Variants in RPA3 observed in about 807,000 individuals in gnomAD.
RPA3 encodes the protein replication protein A 14 kDa subunit.
RPA3 carries 24 observed loss-of-function variants against 13.7 expected under a neutral mutation model. The ratio of observed to expected loss-of-function variants is 1.75; its 90% CI spans 1.27 to 2.46. The LOEUF (loss-of-function observed/expected upper bound fraction) is 2.46. Ranked by LOEUF, RPA3 falls within the 30% of genes most tolerant of loss-of-function variation. The pLI is 0.00. For missense variants in RPA3, 183 were observed against 151.0 expected (o/e 1.21, Z -1.11); for synonymous variants, 59 against 51.2 (o/e 1.15, Z -0.65).
intron 4 of RPA3, among the ~76,000 whole-genome samples, chr7:7,648,142 CCTT>C (rs1208492031): frequency 1.3e-5 from 2 of 152,168 alleles, no homozygotes; most frequent in African/African-American, 2.4e-5. Context: ...CCAGTGGCCT[CCTT>C]CTTCTTAAAG....
chr7:7,646,865 T>C (rs923945694), intron 4 of RPA3, among the ~76,000 whole-genome samples: 1 of 152,120 alleles, frequency 6.6e-6, no homozygotes, highest in African/African-American at 2.4e-5. Context: ...GTTTGGGGTT[T>C]ATATGGGCAC....
In RPA3 at chr7:7,670,234, C is replaced by T. The variant is rs28916003; in HGVS notation, c.-758+15596G>A. Among the ~76,000 whole-genome samples, 22 of 152,204 alleles carry T rather than the reference C, an allele frequency of 1.4e-4. No homozygotes were observed. The South Asian group carries it at 3.5e-3, about 24-fold the overall frequency. On this transcript the variant is annotated intron_variant, in intron 4 of 7. Transcript: ENST00000223129. ...TTATTAAAACTACTTTTGTGATATC[C>T]GTGTTTGTTCCATTTCTGACTTGTG... is the stretch of plus-strand genomic sequence containing the variant.
intron 4 of RPA3, among the ~76,000 whole-genome samples, chr7:7,671,978 C>T (rs1279515053): frequency 6.6e-6 from 1 of 152,056 alleles, no homozygotes. Context: ...TTCTAGCAAC[C>T]AATAGATTCC....
chr7:7,689,222 G>C (rs1780113956), intron 2 of RPA3: 1 of 152,198 alleles, frequency 6.6e-6, no homozygotes, highest in African/African-American at 2.4e-5. Flanking sequence ...GATCAACTGA[G>C]AGACTCATGG....
At chr7:7,675,407 C>G (rs948567431) in intron 4 of RPA3, among the ~76,000 whole-genome samples, 16 of 152,136 alleles carry the variant, frequency 1.1e-4, no homozygotes, top group African/African-American at 3.6e-4. Flanking sequence ...CCTCCAATTT[C>G]TGGTAGCATG....
At chr7:7,697,115 T>C (rs1780339616) in intron 2 of RPA3, among the ~76,000 whole-genome samples, 3 of 152,180 alleles carry the variant, frequency 2.0e-5, no homozygotes, top group Admixed American at 6.5e-5. Context: ...TTGTTTTGCT[T>C]TTCTTTTTAT....
chr7:7,684,201 A>G (rs545810070), intron 4 of RPA3, among the ~76,000 whole-genome samples: 1 of 151,868 alleles, frequency 6.6e-6, no homozygotes, highest in Non-Finnish European at 1.5e-5. Context: ...TTTAGCACAG[A>G]TGCAATTTTT....
At chr7:7,659,794 T>G (rs916239928) in intron 4 of RPA3, among the ~76,000 whole-genome samples, 2 of 152,052 alleles carry the variant, frequency 1.3e-5, no homozygotes, top group Non-Finnish European at 2.9e-5. Flanking sequence ...TGGGGTGGAG[T>G]GTTCTGTAGA....
Position 7,636,661 on chromosome 7 carries a change from T to A in RPA3, c.*339A>T, listed in dbSNP as rs776628401. On this transcript the variant is annotated 3_prime_UTR_variant, in exon 8 of 8. Coordinates refer to ENST00000223129, the MANE Select transcript of RPA3 (RefSeq NM_002947.5). Reference sequence around the variant, plus strand: ...AAATCTTGACCTTATGGCTATGAAATTTCAAGTTTGTGCTTGAATACATGA... The same window carrying A: ...AAATCTTGACCTTATGGCTATGAAAATTCAAGTTTGTGCTTGAATACATGA... 2 of 199,408 alleles carry A rather than the reference T, an allele frequency of 1.0e-5. No individual in the cohort carries two copies. The highest frequency in any genetic ancestry group is 2.0e-5 in the Non-Finnish European group (2 of 99,632). 12.4% of individuals were successfully genotyped at this position (199,408 alleles called of 1,614,324 possible). A position where few individuals can be genotyped will look rare whatever the true frequency, so the allele number is the denominator to read the frequency against.
chr7:7,668,343 A>G (rs991428065), intron 4 of RPA3, among the ~76,000 whole-genome samples: 1 of 152,168 alleles, frequency 6.6e-6, no homozygotes, highest in African/African-American at 2.4e-5. Flanking sequence ...TTACTGTTTC[A>G]GTTACTTATG....
At chr7:7,649,684 T>TG (rs1386571678) in intron 4 of RPA3, among the ~76,000 whole-genome samples, 5 of 131,990 alleles carry the variant, frequency 3.8e-5, no homozygotes, top group African/African-American at 1.2e-4. Context: ...GTATTCTTGT[T>TG]GGTGGGGGGG....
intron 2 of RPA3, 119 bp downstream of exon 2, chr7:7,715,056 C>G (rs948514959): frequency 6.6e-6 from 1 of 151,834 alleles, no homozygotes; most frequent in Non-Finnish European, 1.5e-5. Context: ...ATCCACAAAT[C>G]TTAGAACTTA....
intron 1 of RPA3, among the ~76,000 whole-genome samples, chr7:7,717,816 A>G (rs1048162861): frequency 3.9e-5 from 6 of 152,196 alleles, no homozygotes; most frequent in Non-Finnish European, 8.8e-5. Context: ...TTTTGTTTTT[A>G]TCTTACCATC....
chr7:7,647,044 T>G (rs1296138009), intron 4 of RPA3, among the ~76,000 whole-genome samples: 1 of 152,052 alleles, frequency 6.6e-6, no homozygotes, highest in Non-Finnish European at 1.5e-5. Context: ...TAGTGTGGAG[T>G]GTTTCTTTTA....
intron 4 of RPA3, chr7:7,676,184 A>C (rs963594950): frequency 3.5e-5 from 14 of 398,504 alleles, no homozygotes; most frequent in Non-Finnish European, 4.9e-5. Flanking sequence ...TCGTGGCTCC[A>C]CGACTTACTC....
chr7:7,697,805 C>G (rs183436704), intron 2 of RPA3, among the ~76,000 whole-genome samples: 8 of 152,092 alleles, frequency 5.3e-5, no homozygotes, highest in Non-Finnish European at 1.0e-4. Flanking sequence ...GGTGCATGTA[C>G]TCTTGGGTAT....
At chr7:7,668,611 C>T (rs1297119751) in intron 4 of RPA3, among the ~76,000 whole-genome samples, 1 of 152,086 alleles carries the variant, frequency 6.6e-6, no homozygotes, top group African/African-American at 2.4e-5. Context: ...GTAATGAAAC[C>T]AGTTTTACCA....
At chr7:7,682,186 A>G (rs28915981) in intron 4 of RPA3, among the ~76,000 whole-genome samples, 5,453 of 152,266 alleles carry the variant, frequency 0.036, 121 homozygotes, top group Non-Finnish European at 0.048. Flanking sequence ...TCTAGTTTCC[A>G]TTAAGCTAAT....
intron 4 of RPA3, among the ~76,000 whole-genome samples, chr7:7,643,571 G>C (rs1785023906): frequency 6.6e-6 from 1 of 152,122 alleles, no homozygotes; most frequent in African/African-American, 2.4e-5. Context: ...AAGTATCCAG[G>C]CGCGATGGCG....
Sources: gnomAD v4.1 joint callset for allele counts (sites outside exome capture counted in the v4.1 genomes callset) on GRCh38, gnomAD v4.1.1 for gene constraint, MANE v1.5 for transcripts, NCBI Gene and HGNC (gene_info 2026-07-23, HGNC 2026-07-21) for gene names.